The following ZFAT variants were observed in gnomAD, a reference collection of about 807,000 sequenced individuals.
ZFAT encodes zinc finger and AT-hook domain containing.
ZFAT carries 64 observed loss-of-function variants against 117.7 expected under a neutral mutation model. The ratio of observed to expected loss-of-function variants is 0.54; its 90% CI spans 0.44 to 0.67. The LOEUF (loss-of-function observed/expected upper bound fraction) is 0.67. Ranked by LOEUF, ZFAT falls within the 30% of genes least tolerant of loss-of-function variation. The pLI is 0.00. For missense variants in ZFAT, 1,433 were observed against 1,584.5 expected, an observed-to-expected ratio of 0.90 and a Z score of 1.62; for synonymous variants, 679 against 615.0, an observed-to-expected ratio of 1.10 and a Z score of -1.54.
intron 3 of ZFAT, among the ~76,000 whole-genome samples, chr8:134,624,351 T>C (rs921844728): frequency 6.6e-6 from 1 of 152,144 alleles, no homozygotes; most frequent in African/African-American, 2.4e-5. Flanking sequence ...CTTCTAGAAG[T>C]GCTTCTTTAG....
At chr8:134,511,477 G>A (rs1302778112) in intron 14 of ZFAT, among the ~76,000 whole-genome samples, 2 of 152,218 alleles carry the variant, frequency 1.3e-5, no homozygotes, top group Non-Finnish European at 2.9e-5. Flanking sequence ...ACACAGCCCT[G>A]TCCATTAATC....
At chr8:134,496,990 C>T (rs533161763) in intron 15 of ZFAT, among the ~76,000 whole-genome samples, 1 of 152,356 alleles carries the variant, frequency 6.6e-6, no homozygotes, top group South Asian at 2.1e-4. Flanking sequence ...GGGACCCCCG[C>T]CCCCATAGGT....
At chr8:134,610,825 A>G (rs1023986528) in intron 3 of ZFAT, among the ~76,000 whole-genome samples, 170 bp from the exon 4 acceptor site, 3 of 151,872 alleles carry the variant, frequency 2.0e-5, no homozygotes, top group Non-Finnish European at 4.4e-5. Context: ...TCACTGCTTC[A>G]CTCGATTCAG....
At chr8:134,619,287 C>T (rs928203154) in intron 3 of ZFAT, among the ~76,000 whole-genome samples, 1 of 151,578 alleles carries the variant, frequency 6.6e-6, no homozygotes, top group South Asian at 2.1e-4. Flanking sequence ...AAAATAGAAA[C>T]AAAAATAAAA....
chr8:134,760,281 A>AAAC, the ZFAT span, among the ~76,000 whole-genome samples: 7 of 128,672 alleles, frequency 5.4e-5, no homozygotes, highest in African/African-American at 9.1e-5. Context: ...AAGAAAAAAA[A>AAAC]AAAAAAACAA....
intron 7 of ZFAT, among the ~76,000 whole-genome samples, chr8:134,596,831 C>T (rs1472929292): frequency 6.6e-6 from 1 of 151,972 alleles, no homozygotes; most frequent in Admixed American, 6.6e-5. Context: ...AAAGAAAGAA[C>T]AGGCAAATCC....
At chr8:134,547,557 T>C (rs1407474969) in intron 11 of ZFAT, among the ~76,000 whole-genome samples, 1 of 152,212 alleles carries the variant, frequency 6.6e-6, no homozygotes, top group African/African-American at 2.4e-5. Context: ...TTAACACCAC[T>C]GCAGTAGTGA....
At chr8:134,591,730 C>T (rs1826519873) in intron 7 of ZFAT, among the ~76,000 whole-genome samples, 1 of 152,118 alleles carries the variant, frequency 6.6e-6, no homozygotes, top group African/African-American at 2.4e-5. Flanking sequence ...ACACCATGTG[C>T]AGATGGAGGC....
the ZFAT span, among the ~76,000 whole-genome samples, chr8:134,802,142 G>A: frequency 1.3e-5 from 2 of 152,162 alleles, no homozygotes. Context: ...TTTGTAATAT[G>A]GTACAGATAA....
At chr8:134,811,453 G>T in the ZFAT span, among the ~76,000 whole-genome samples, 3 of 152,034 alleles carry the variant, frequency 2.0e-5, no homozygotes, top group Non-Finnish European at 4.4e-5. Flanking sequence ...TAACAAAAAC[G>T]CCAATAACCA....
intron 3 of ZFAT, among the ~76,000 whole-genome samples, chr8:134,615,337 C>A (rs1828642643): frequency 6.6e-6 from 1 of 152,144 alleles, no homozygotes. Flanking sequence ...CAGGTGCGCA[C>A]CATCCCATCC....
intron 7 of ZFAT, among the ~76,000 whole-genome samples, chr8:134,593,200 G>A (rs767664846): frequency 5.9e-5 from 9 of 152,156 alleles, no homozygotes; most frequent in Non-Finnish European, 8.8e-5. Context: ...AGGAGTTTAC[G>A]GTGATCTCCC....
Position 134,583,839 on chromosome 8 carries a change from A to C in ZFAT, c.2880T>G (p.Thr960=). 1 of 1,613,656 alleles carries C rather than the reference A, an allele frequency of 6.2e-7. No homozygotes were observed. The highest frequency in any genetic ancestry group is 1.7e-5 in the Admixed American group (1 of 59,976). The part of the protein sequence containing the change: ...GTLKSHKLLH[T]ADGKQFKCTV... Reference sequence around the variant, plus strand: ...CTTGGGCCATTTACTCACCATCTGCAGTGTGAAGGAGTTTGTGACTTTTCA... The same window carrying C: ...CTTGGGCCATTTACTCACCATCTGCCGTGTGAAGGAGTTTGTGACTTTTCA... Residue 960 remains threonine, a synonymous_variant, in exon 10 of 16, where the codon ACT becomes ACG. Transcript: ENST00000377838.
chr8:134,733,999 C>T, the ZFAT span, among the ~76,000 whole-genome samples: 2 of 152,226 alleles, frequency 1.3e-5, no homozygotes, highest in Admixed American at 6.5e-5. Context: ...AATGAGATCC[C>T]TGGATGAAAC....
the ZFAT span, among the ~76,000 whole-genome samples, chr8:134,775,579 C>T: frequency 1.3e-5 from 2 of 152,188 alleles, no homozygotes; most frequent in Non-Finnish European, 2.9e-5. Context: ...ATATGCAGCT[C>T]TGATCTTTCG....
the ZFAT span, among the ~76,000 whole-genome samples, chr8:134,814,176 CTTGTT>C: frequency 3.3e-5 from 5 of 152,026 alleles, no homozygotes; most frequent in Non-Finnish European, 7.4e-5. Flanking sequence ...TTTTTGGTAC[CTTGTT>C]TTAAGATTCA....
intron 15 of ZFAT, among the ~76,000 whole-genome samples, chr8:134,508,147 T>A (rs1819548792): frequency 6.6e-6 from 1 of 152,170 alleles, no homozygotes; most frequent in African/African-American, 2.4e-5. Flanking sequence ...ATCCAAACAT[T>A]CATCTAGATA....
the ZFAT span, among the ~76,000 whole-genome samples, chr8:134,788,257 T>C: frequency 6.6e-6 from 1 of 152,186 alleles, no homozygotes; most frequent in Non-Finnish European, 1.5e-5. Flanking sequence ...TTCTAATGTA[T>C]GCATGTAAAT....
At position 134,603,078 on chromosome 8, in the gene ZFAT, A is replaced by T. The variant is rs1827634945; in HGVS notation, c.786-145T>A. 4 of 1,136,694 alleles carry T rather than the reference A, an allele frequency of 3.5e-6. No individual in the cohort carries two copies. The Admixed American group carries it at 1.0e-4, about 29-fold the overall frequency. 70.4% of individuals were successfully genotyped at this position (1,136,694 alleles called of 1,614,324 possible). ...GGATGGGTGCAGTCACTCACTCAAC[A>T]AACAGGATCAGAGGGCTCGTGTGTG... On this transcript the variant is annotated intron_variant, in intron 5 of 15. Coordinates refer to ENST00000377838, the MANE Select transcript of ZFAT (RefSeq NM_020863.4).
Sources: gnomAD v4.1 joint callset for allele counts (sites outside exome capture counted in the v4.1 genomes callset) on GRCh38, gnomAD v4.1.1 for gene constraint, MANE v1.5 for transcripts, NCBI Gene and HGNC (gene_info 2026-07-23, HGNC 2026-07-21) for gene names.